Variants in PDZD9 observed in about 807,000 individuals in gnomAD.
PDZD9 encodes PDZ domain-containing protein 9.
Under a neutral mutation model 16.3 loss-of-function variants are expected in PDZD9, and 13 were observed. The observed-to-expected ratio is 0.80, with a 90% CI of 0.52 to 1.27. The LOEUF (loss-of-function observed/expected upper bound fraction) is 1.27. Among genes scored for constraint, PDZD9 ranks in the 50% most tolerant of loss-of-function variants. The probability of loss-of-function intolerance (pLI) is 0.00; values close to 1 mark genes in which losing one functional copy is unlikely to be tolerated. For synonymous variants in PDZD9, 120 were observed against 111.0 expected (o/e 1.08, Z -0.51); for missense variants, 288 against 310.9 (o/e 0.93, Z 0.55).
At chr16:21,974,235 G>C in the PDZD9 span, among the ~76,000 whole-genome samples, 1 of 152,160 alleles carries the variant, frequency 6.6e-6, no homozygotes, top group Non-Finnish European at 1.5e-5. Context: ...TTGGCTCTGA[G>C]ACATCTAAAT....
the PDZD9 span, among the ~76,000 whole-genome samples, chr16:21,975,862 G>T: frequency 5.9e-5 from 9 of 152,112 alleles, no homozygotes; most frequent in African/African-American, 2.2e-4. Flanking sequence ...AGGTTAAGGT[G>T]GGAGGATCAC....
intron 3 of PDZD9, among the ~76,000 whole-genome samples, chr16:21,986,201 G>C (rs1384868342): frequency 6.6e-6 from 1 of 152,122 alleles, no homozygotes; most frequent in African/African-American, 2.4e-5. Flanking sequence ...CTTTGTGAAA[G>C]CATCTTTTTC....
chr16:21,972,893 A>G, the PDZD9 span, among the ~76,000 whole-genome samples: 1 of 152,222 alleles, frequency 6.6e-6, no homozygotes, highest in South Asian at 2.1e-4. Context: ...CAAGGTCAGG[A>G]GATCAAGACC....
intron 2 of PDZD9, among the ~76,000 whole-genome samples, chr16:21,991,931 CTTT>C (rs2141959153): frequency 6.6e-6 from 1 of 152,300 alleles, no homozygotes; most frequent in East Asian, 1.9e-4. Flanking sequence ...AAGGTATGGG[CTTT>C]CTAGGCACAC....
chr16:21,980,813 T>G (rs1898706570), downstream of PDZD9: 1 of 1,260,116 alleles, frequency 7.9e-7, no homozygotes, highest in African/African-American at 1.5e-5. Flanking sequence ...TGTTTGGTGC[T>G]CATCTACTTA....
At chr16:21,981,494 C>T (rs1188143983), downstream of PDZD9, among the ~76,000 whole-genome samples, 1 of 152,140 alleles carries the variant, frequency 6.6e-6, no homozygotes, top group Non-Finnish European at 1.5e-5. Context: ...TGGCTCATTC[C>T]TGTAATCCCA....
chr16:21,987,139 G>T (rs1008041007), intron 3 of PDZD9, among the ~76,000 whole-genome samples: 6 of 152,160 alleles, frequency 3.9e-5, no homozygotes, highest in Non-Finnish European at 8.8e-5. Flanking sequence ...AGATCATTCT[G>T]GCCAGGCTTG....
the PDZD9 span, chr16:21,972,063 A>AGCCC: frequency 5.0e-6 from 8 of 1,614,160 alleles, no homozygotes; most frequent in Non-Finnish European, 6.8e-6. Context: ...CAAGAGGGGC[A>AGCCC]GCAACACCAC....
At chr16:21,974,069 A>G in the PDZD9 span, 4 of 1,103,882 alleles carry the variant, frequency 3.6e-6, no homozygotes, top group Non-Finnish European at 5.3e-6. Context: ...GAATGTTTGA[A>G]TGCAGTGCAA....
the PDZD9 span, chr16:21,976,459 A>T: frequency 2.4e-6 from 1 of 423,440 alleles, no homozygotes; most frequent in Non-Finnish European, 4.3e-6. Context: ...TGGGAGGCCA[A>T]GGCAGGTGGT....
downstream of PDZD9, chr16:21,980,556 G>A (rs1457228834): frequency 6.2e-6 from 10 of 1,613,580 alleles, no homozygotes; most frequent in Non-Finnish European, 8.5e-6. Flanking sequence ...GGAACAAGCT[G>A]AAAGCTGGAT....
At chr16:21,957,659 A>G in the PDZD9 span, 2 of 1,490,026 alleles carry the variant, frequency 1.3e-6, no homozygotes, top group East Asian at 4.7e-5. Flanking sequence ...TTATATTTTG[A>G]TTCCTTGACC....
At chr16:21,962,883 C>T in the PDZD9 span, 1 of 1,613,712 alleles carries the variant, frequency 6.2e-7, no homozygotes, top group African/African-American at 1.3e-5. Flanking sequence ...AATCCGCAGA[C>T]TCGTAAGTAC....
the PDZD9 span, among the ~76,000 whole-genome samples, chr16:21,973,065 A>C: frequency 6.6e-6 from 1 of 152,226 alleles, no homozygotes; most frequent in African/African-American, 2.4e-5. Context: ...GTGCCACTGC[A>C]CTCCAGCCTG....
At chr16:21,961,930 G>A in the PDZD9 span, among the ~76,000 whole-genome samples, 1 of 151,906 alleles carries the variant, frequency 6.6e-6, no homozygotes, top group Non-Finnish European at 1.5e-5. Flanking sequence ...TGGGATTACA[G>A]GTGTGAGCCA....
At chr16:21,969,272 G>A in the PDZD9 span, among the ~76,000 whole-genome samples, 2 of 152,170 alleles carry the variant, frequency 1.3e-5, no homozygotes, top group Non-Finnish European at 2.9e-5. Flanking sequence ...GGTGGCTCAT[G>A]CCTGTAATCC....
chr16:21,976,268 T>C, the PDZD9 span: 1 of 1,577,980 alleles, frequency 6.3e-7, no homozygotes, highest in Non-Finnish European at 8.7e-7. Flanking sequence ...TAACTGTGTT[T>C]TATGTTTTTG....
At chr16:21,971,906 C>T in the PDZD9 span, 1 of 1,613,104 alleles carries the variant, frequency 6.2e-7, no homozygotes, top group Non-Finnish European at 8.5e-7. Context: ...TTCCCTCTAT[C>T]CTTAATCTGG....
At chr16:21,978,403 ATAAG>A in the PDZD9 span, among the ~76,000 whole-genome samples, 1 of 152,224 alleles carries the variant, frequency 6.6e-6, no homozygotes, top group African/African-American at 2.4e-5. Flanking sequence ...CACCATGTCT[ATAAG>A]TAATAAGTTT....
Sources: gnomAD v4.1 joint callset for allele counts (sites outside exome capture counted in the v4.1 genomes callset) on GRCh38, gnomAD v4.1.1 for gene constraint, MANE v1.5 for transcripts, NCBI Gene and HGNC (gene_info 2026-07-23, HGNC 2026-07-21) for gene names.